The following ZEB2 variants were observed in gnomAD, a reference collection of about 807,000 sequenced individuals.
The protein encoded by ZEB2 is zinc finger E-box binding homeobox 2.
In ZEB2, 6 loss-of-function variants were observed where a neutral mutation model predicts 99.9. That is an observed-to-expected ratio of 0.06 (90% CI 0.03 to 0.12). ZEB2 has a LOEUF of 0.12. ZEB2 is among the 10% of genes least tolerant of loss of function. The probability of loss-of-function intolerance (pLI) is 1.00; values close to 1 mark genes in which losing one functional copy is unlikely to be tolerated. For synonymous variants in ZEB2, 517 were observed against 542.5 expected (o/e 0.95, Z 0.65); for missense variants, 969 against 1,502.8 (o/e 0.64, Z 5.87).
chr2:144,420,026 G>A (rs1041404422), intron 4 of ZEB2, among the ~76,000 whole-genome samples: 12 of 152,142 alleles, frequency 7.9e-5, no homozygotes, highest in Non-Finnish European at 1.6e-4. Flanking sequence ...CCTCCACAGA[G>A]AATGTTTTCC....
At chr2:144,467,532 G>C (rs1704289783) in intron 2 of ZEB2, among the ~76,000 whole-genome samples, 1 of 152,064 alleles carries the variant, frequency 6.6e-6, no homozygotes, top group Admixed American at 6.6e-5. Context: ...AATTTCTGGT[G>C]GTTTGCAGAG....
chr2:144,510,444 C>T (rs1194019423), intron 2 of ZEB2, among the ~76,000 whole-genome samples: 1 of 152,022 alleles, frequency 6.6e-6, no homozygotes, highest in African/African-American at 2.4e-5. Context: ...GGCGGGAAGT[C>T]CACACACCTG....
intron 4 of ZEB2, among the ~76,000 whole-genome samples, chr2:144,412,396 T>C (rs527554206): frequency 4.1e-4 from 62 of 152,236 alleles, no homozygotes; most frequent in African/African-American, 1.4e-3. Flanking sequence ...TTTAGAGGAG[T>C]TGATGAAGTA....
chr2:144,497,121 C>T (rs148343311), intron 2 of ZEB2, among the ~76,000 whole-genome samples: 326 of 152,284 alleles, frequency 2.1e-3, no homozygotes, highest in Admixed American at 4.2e-3. Context: ...GTGCTGTGCC[C>T]TCACTTGCTG....
intron 2 of ZEB2, chr2:144,462,005 A>G (rs1704200369): frequency 6.6e-6 from 1 of 152,216 alleles, no homozygotes; most frequent in African/African-American, 2.4e-5. Flanking sequence ...ATAAAAGCAG[A>G]AAATATCACT....
intron 2 of ZEB2, among the ~76,000 whole-genome samples, chr2:144,481,145 A>G (rs1286008986): frequency 2.0e-5 from 3 of 152,212 alleles, no homozygotes; most frequent in Non-Finnish European, 4.4e-5. Flanking sequence ...GAAGGAGGAA[A>G]AGATTAAATT....
chr2:144,476,694 T>G (rs538045078), intron 2 of ZEB2, among the ~76,000 whole-genome samples: 1 of 152,244 alleles, frequency 6.6e-6, no homozygotes, highest in African/African-American at 2.4e-5. Flanking sequence ...ATATTTTTAT[T>G]GTTTCACTAA....
intron 1 of ZEB2, chr2:144,517,925 T>TA (rs1705190122): frequency 5.8e-6 from 2 of 345,562 alleles, no homozygotes; most frequent in East Asian, 1.0e-4. Flanking sequence ...ATAGTAATTA[T>TA]AGGAAGCCCA....
intron 2 of ZEB2, chr2:144,503,988 T>C (rs905399997): frequency 6.6e-6 from 1 of 151,018 alleles, no homozygotes; most frequent in Non-Finnish European, 1.5e-5. Flanking sequence ...CTCTAGTCTC[T>C]GTGAACATTT....
intron 4 of ZEB2, among the ~76,000 whole-genome samples, chr2:144,414,450 T>C (rs1703508752): frequency 6.6e-6 from 1 of 152,168 alleles, no homozygotes; most frequent in African/African-American, 2.4e-5. Context: ...CCCAGGAAGC[T>C]GGCCCTGTGT....
At chr2:144,516,406 C>CTG (rs1367338637) in intron 2 of ZEB2, 1 of 139,844 alleles carries the variant, frequency 7.2e-6, no homozygotes, top group African/African-American at 2.7e-5. Flanking sequence ...CCTTCTCTGG[C>CTG]TGTCTCCAAA....
chr2:144,394,167 T>C (rs1703189674), intron 9 of ZEB2, among the ~76,000 whole-genome samples: 2 of 152,200 alleles, frequency 1.3e-5, no homozygotes. Context: ...GTGATCCACC[T>C]GCCTCTGCCT....
Position 144,398,926 on chromosome 2 carries a change from C to T in ZEB2, c.2261G>A (p.Cys754Tyr). 6.2e-7 allele frequency: 1 copy of T among 1,614,144 alleles called. No individual in the cohort carries two copies. The highest frequency in any genetic ancestry group is 8.5e-7 in the Non-Finnish European group (1 of 1,180,014). ...IAELHNSVTNCDPPLRLTKPS... is the reference protein window; with the variant it reads ...IAELHNSVTNYDPPLRLTKPS... ...TTTTGTTAGCCTGAGAGGAGGATCA[C>T]AATTCGTAACACTGTTGTGGAGTTC... Residue 754 changes from cysteine to tyrosine, a missense_variant, in exon 8 of 10, where the codon TGT becomes TAT. Transcript: ENST00000627532.
Position 144,501,641 on chromosome 2 carries a change from T to A in ZEB2, c.73+15637A>T, listed in dbSNP as rs1016045844. On this transcript the variant is annotated intron_variant, in intron 2 of 9. Coordinates refer to ENST00000627532, the MANE Select transcript of ZEB2 (RefSeq NM_014795.4). ...GGGTTGGGGGTTGGGGAAGGAGGACTATTTGGATGAACTGCTGTTTGTCTC... is the reference window on the plus strand; with the variant it reads ...GGGTTGGGGGTTGGGGAAGGAGGACAATTTGGATGAACTGCTGTTTGTCTC... Among the ~76,000 whole-genome samples the A allele has an allele frequency of 1.1e-4, 17 of 152,206 alleles. 1 individual carries two copies. Among genetic ancestry groups the A allele is most frequent in the Non-Finnish European group, 1.5e-5 (1 of 68,030 alleles).
intron 2 of ZEB2, chr2:144,513,191 T>C (rs1395367769): frequency 1.6e-6 from 2 of 1,287,164 alleles, no homozygotes; most frequent in Admixed American, 4.6e-5. Context: ...CGTCCCTCAT[T>C]GCCTCTAACC....
intron 2 of ZEB2, among the ~76,000 whole-genome samples, chr2:144,509,424 C>A (rs193087761): frequency 6.6e-6 from 1 of 152,104 alleles, no homozygotes; most frequent in East Asian, 1.9e-4. Context: ...TTCTGTAAAT[C>A]TTCTGGGAAA....
At chr2:144,448,084 A>G (rs747569677) in intron 2 of ZEB2, among the ~76,000 whole-genome samples, 2 of 152,188 alleles carry the variant, frequency 1.3e-5, no homozygotes, top group Middle Eastern at 3.2e-3. Flanking sequence ...GTATTATTAT[A>G]ATTATTAGCC....
chr2:144,415,124 A>C (rs1179381295), intron 4 of ZEB2, among the ~76,000 whole-genome samples: 1 of 151,828 alleles, frequency 6.6e-6, no homozygotes, highest in East Asian at 1.9e-4. Flanking sequence ...AACACATAAA[A>C]GTTTTTCAAA....
chr2:144,503,497 G>A (rs1704903637), intron 2 of ZEB2, among the ~76,000 whole-genome samples: 1 of 152,094 alleles, frequency 6.6e-6, no homozygotes, highest in African/African-American at 2.4e-5. Flanking sequence ...AAAACGGTTT[G>A]AAAGCAAGGG....
Sources: gnomAD v4.1 joint callset for allele counts (sites outside exome capture counted in the v4.1 genomes callset) on GRCh38, gnomAD v4.1.1 for gene constraint, MANE v1.5 for transcripts, NCBI Gene and HGNC (gene_info 2026-07-23, HGNC 2026-07-21) for gene names.